Variants in IQGAP2 observed in about 807,000 individuals in gnomAD.
IQGAP2 encodes IQ motif containing GTPase activating protein 2.
Under a neutral mutation model 201.3 loss-of-function variants are expected in IQGAP2, and 173 were observed. That is an observed-to-expected ratio of 0.86 (90% CI 0.76 to 0.98). The LOEUF (loss-of-function observed/expected upper bound fraction) is 0.98. Among genes scored for constraint, IQGAP2 ranks in the 50% least tolerant of loss-of-function variants. The pLI, the probability that IQGAP2 is intolerant of heterozygous loss-of-function variation, is 0.00. For missense variants in IQGAP2, 1,687 were observed against 1,864.8 expected (o/e 0.90, Z 1.76); for synonymous variants, 675 against 673.9 (o/e 1.00, Z -0.03).
chr5:76,517,505 C>T (rs1758400501), intron 2 of IQGAP2, among the ~76,000 whole-genome samples: 1 of 151,036 alleles, frequency 6.6e-6, no homozygotes, highest in Non-Finnish European at 1.5e-5. Context: ...CTTAGTTACT[C>T]ATGAGTCTGA....
chr5:76,596,377 C>T (rs1219754734), intron 9 of IQGAP2, among the ~76,000 whole-genome samples: 1 of 152,184 alleles, frequency 6.6e-6, no homozygotes, highest in Non-Finnish European at 1.5e-5. Context: ...CATTCATTCT[C>T]CCATTTACTC....
chr5:76,439,556 T>C, intron 1 of IQGAP2, among the ~76,000 whole-genome samples: 1 of 152,220 alleles, frequency 6.6e-6, no homozygotes, highest in East Asian at 1.9e-4. Flanking sequence ...GGTGGTAATA[T>C]CTTCTTGTTG....
At chr5:76,672,702 G>A (rs577552420) in intron 24 of IQGAP2, among the ~76,000 whole-genome samples, 1 of 152,220 alleles carries the variant, frequency 6.6e-6, no homozygotes, top group Admixed American at 6.5e-5. Flanking sequence ...CGCCACACAG[G>A]ATCTGTATAG....
intron 2 of IQGAP2, among the ~76,000 whole-genome samples, chr5:76,501,831 G>A (rs564082696): frequency 4.9e-4 from 75 of 151,624 alleles, no homozygotes; most frequent in African/African-American, 1.6e-3. Context: ...TCGTAGAGGC[G>A]GGGGTTTCAC....
chr5:76,467,255 AAAAAAT>A (rs1475845466), intron 2 of IQGAP2, among the ~76,000 whole-genome samples: 2 of 152,234 alleles, frequency 1.3e-5, no homozygotes, highest in Non-Finnish European at 2.9e-5. Context: ...CTCTGTCTCA[AAAAAAT>A]AAAAATAAAA....
chr5:76,423,913 T>C (rs372867427), intron 1 of IQGAP2, among the ~76,000 whole-genome samples: 20 of 152,338 alleles, frequency 1.3e-4, no homozygotes, highest in East Asian at 9.6e-4. Context: ...TGGAATCCTT[T>C]ATAGAGCAGT....
rs561688142 is a variant in IQGAP2, at chr5:76,491,106, A to G, written c.146+29437A>G. Among the ~76,000 whole-genome samples the G allele has an allele frequency of 4.5e-4, 68 of 150,988 alleles. 1 individual carries two copies. The highest frequency in any genetic ancestry group is 1.5e-3 in the African/African-American group (63 of 41,076). ...TTGACATGTGCTTTAAAATGCTCTC[A>G]CTTCCTCTACTTCCTGGAAGATTGT... On this transcript the variant is annotated intron_variant, in intron 2 of 35. Transcript: ENST00000274364.
At chr5:76,474,745 A>G (rs1181311298) in intron 2 of IQGAP2, among the ~76,000 whole-genome samples, 2 of 152,182 alleles carry the variant, frequency 1.3e-5, no homozygotes, top group African/African-American at 4.8e-5. Context: ...GTGTGAGTGC[A>G]GGCTTCTGAG....
At chr5:76,423,741 C>T (rs1013970351) in intron 1 of IQGAP2, among the ~76,000 whole-genome samples, 2 of 152,116 alleles carry the variant, frequency 1.3e-5, no homozygotes, top group Admixed American at 1.3e-4. Context: ...GATTTAGAAG[C>T]ATCAAAAGGC....
At chr5:76,696,594 AAT>A (rs201707792) in intron 32 of IQGAP2, among the ~76,000 whole-genome samples, 1 of 147,422 alleles carries the variant, frequency 6.8e-6, no homozygotes, top group African/African-American at 2.5e-5. Flanking sequence ...AAAAAAAAAA[AAT>A]TTCTCACCTT....
intron 11 of IQGAP2, among the ~76,000 whole-genome samples, chr5:76,604,117 A>G (rs1396749755): frequency 6.6e-6 from 1 of 151,930 alleles, no homozygotes; most frequent in Non-Finnish European, 1.5e-5. Flanking sequence ...TCCTAATGCT[A>G]TTCCTCCCCT....
At chr5:76,468,730 C>T (rs1580259223) in intron 2 of IQGAP2, among the ~76,000 whole-genome samples, 2 of 152,322 alleles carry the variant, frequency 1.3e-5, no homozygotes, top group Middle Eastern at 3.4e-3. Flanking sequence ...TACATTGTGC[C>T]GCACTGCTCT....
Position 76,562,439 on chromosome 5 carries a change from G to T in IQGAP2, c.190G>T (p.Glu64Ter), listed in dbSNP as rs1462627158. The part of the protein sequence containing the change: ...CLVEELPPTT[E>*]LEEGLRNGVY... Reference sequence around the variant, plus strand: ...AGTTGAAGAATTGCCACCAACCACTGAATTGGAAGAAGGGCTCCGGAATGG... The same window carrying T: ...AGTTGAAGAATTGCCACCAACCACTTAATTGGAAGAAGGGCTCCGGAATGG... Residue 64 changes from glutamate to a stop codon, truncating the protein, a stop_gained, in exon 3 of 36, where the codon GAA becomes TAA. Coordinates refer to ENST00000274364, the MANE Select transcript of IQGAP2 (RefSeq NM_006633.5). LOFTEE classifies it high-confidence loss of function. 4 of 1,613,854 alleles carry T rather than the reference G, an allele frequency of 2.5e-6. No homozygotes were observed. The highest frequency in any genetic ancestry group is 3.4e-6 in the Non-Finnish European group (4 of 1,179,856).
chr5:76,520,619 A>G (rs1422935647), intron 2 of IQGAP2, among the ~76,000 whole-genome samples: 1 of 151,520 alleles, frequency 6.6e-6, no homozygotes, highest in African/African-American at 2.4e-5. Context: ...TTTGATTGGA[A>G]TTGCATTAAA....
chr5:76,677,472 C>T, intron 28 of IQGAP2, 122 bp downstream of exon 28: 4 of 785,732 alleles, frequency 5.1e-6, no homozygotes, highest in Non-Finnish European at 5.6e-6. Context: ...ATTCTTAACC[C>T]TAAAAATCTC....
chr5:76,596,345 C>T (rs1258002880), intron 9 of IQGAP2, among the ~76,000 whole-genome samples: 1 of 152,198 alleles, frequency 6.6e-6, no homozygotes, highest in African/African-American at 2.4e-5. Flanking sequence ...CTGATTTGCT[C>T]TTTCCTGGTG....
chr5:76,611,104 C>T lies in IQGAP2; in HGVS notation c.1442C>T (p.Ala481Val), dbSNP rs528370381. 28 of 1,613,730 alleles carry T rather than the reference C, an allele frequency of 1.7e-5. No individual in the cohort carries two copies. Among genetic ancestry groups the T allele is most frequent in the East Asian group, 1.6e-4 (7 of 44,886 alleles). The change falls in exon 13 of 36, where the codon GCG becomes GTG. Residue 481 changes from alanine to valine, a missense_variant. Physicochemically the swap from Ala to Val is moderately conservative, Grantham distance 64. Coordinates refer to ENST00000274364, the MANE Select transcript of IQGAP2 (RefSeq NM_006633.5). ...RTLETLLLPT[A>V]NISDVDPAHA... ...TTAGAAACTTTGCTCCTACCTACTG[C>T]GAATATTAGTGATGTGGACCCAGCC...
intron 5 of IQGAP2, among the ~76,000 whole-genome samples, chr5:76,581,265 C>A (rs770940912): frequency 6.6e-6 from 1 of 152,222 alleles, no homozygotes; most frequent in Non-Finnish European, 1.5e-5. Flanking sequence ...CCCTTAGAAC[C>A]TTTTCCTTCC....
chr5:76,657,465 T>G (rs1742852099), intron 20 of IQGAP2, among the ~76,000 whole-genome samples: 1 of 152,236 alleles, frequency 6.6e-6, no homozygotes, highest in Admixed American at 6.5e-5. Flanking sequence ...TTTATGCAGT[T>G]GTTTTGGTGT....
Sources: allele counts gnomAD v4.1 joint callset (sites outside exome capture counted in the v4.1 genomes callset), GRCh38; gene constraint gnomAD v4.1.1; transcripts MANE v1.5; gene names NCBI Gene and HGNC (gene_info 2026-07-23, HGNC 2026-07-21).